The following FANCM variants were observed in gnomAD, a reference collection of about 807,000 sequenced individuals.
FANCM encodes Fanconi anemia group M protein.
FANCM carries 140 observed loss-of-function variants against 199.5 expected under a neutral mutation model. The ratio of observed to expected loss-of-function variants is 0.70; its 90% confidence interval spans 0.61 to 0.81. The LOEUF is 0.81. FANCM is among the 30% of genes least tolerant of loss of function. The pLI is 0.00. For synonymous variants in FANCM, 840 were observed against 836.8 expected, an observed-to-expected ratio of 1.00 and a Z score of -0.07; for missense variants, 2,410 against 2,421.4, an observed-to-expected ratio of 1.00 and a Z score of 0.10.
chr14:45,186,605 T>G (rs1280009432), intron 18 of FANCM, among the ~76,000 whole-genome samples: 1 of 152,218 alleles, frequency 6.6e-6, no homozygotes, highest in East Asian at 1.9e-4. Context: ...GTACTGTCCT[T>G]AATGCTGATA....
intron 8 of FANCM, among the ~76,000 whole-genome samples, chr14:45,158,390 C>G (rs1385409000): frequency 6.6e-6 from 1 of 152,144 alleles, no homozygotes; most frequent in African/African-American, 2.4e-5. Flanking sequence ...CCACAAAGAT[C>G]ATGTTCTTAT....
intron 8 of FANCM, among the ~76,000 whole-genome samples, chr14:45,156,177 G>A (rs1594774578): frequency 6.6e-6 from 1 of 152,200 alleles, no homozygotes; most frequent in African/African-American, 2.4e-5. Flanking sequence ...AGTTTTGGAG[G>A]CTGGGGGAGA....
chr14:45,195,926 A>G (rs964547638), intron 20 of FANCM, among the ~76,000 whole-genome samples: 2 of 151,662 alleles, frequency 1.3e-5, no homozygotes, highest in African/African-American at 4.8e-5. Flanking sequence ...TTTCCTGTTC[A>G]TTTTTAGACT....
intron 15 of FANCM, 42 bp downstream of exon 15, chr14:45,181,566 G>T (rs1251210989): frequency 6.6e-7 from 1 of 1,519,638 alleles, no homozygotes; most frequent in Non-Finnish European, 9.1e-7. Context: ...CATATCAAAG[G>T]CTATTTTCCT....
chr14:45,156,751 C>T (rs1887217143), intron 8 of FANCM, among the ~76,000 whole-genome samples: 1 of 151,834 alleles, frequency 6.6e-6, no homozygotes, highest in South Asian at 2.1e-4. Context: ...AACCCCGTCT[C>T]TACTAAAAAT....
chr14:45,155,757 C>T (rs903680572), intron 8 of FANCM, among the ~76,000 whole-genome samples: 3 of 152,220 alleles, frequency 2.0e-5, no homozygotes, highest in Non-Finnish European at 4.4e-5. Context: ...CGAGATTGTG[C>T]CATTGCACTC....
intron 12 of FANCM, 65 bp downstream of exon 12, chr14:45,170,811 A>G (rs933830200): frequency 5.4e-6 from 7 of 1,308,102 alleles, no homozygotes; most frequent in Admixed American, 3.4e-5. Flanking sequence ...AACCCCTCAG[A>G]TGTTCTTTAT....
rs757351765 is a variant in FANCM at position 45,159,082 on chromosome 14, A to G, written c.1397-14A>G. The G allele has an allele frequency of 2.0e-6, 2 of 991,720 alleles. No homozygotes were observed. Among genetic ancestry groups the G allele is most frequent in the Non-Finnish European group, 2.8e-6 (2 of 727,104 alleles). 61.4% of individuals were successfully genotyped at this position (991,720 alleles called of 1,614,324 possible). On this transcript the variant is annotated splice_polypyrimidine_tract_variant and intron_variant, in intron 8 of 22. Transcript: ENST00000267430. ...GTAAAAAGTTGTAATTAAAGTTTTT[A>G]TATATATATATAGCTGAAAACACTA... is the stretch of plus-strand genomic sequence containing the variant.
intron 3 of FANCM, among the ~76,000 whole-genome samples, chr14:45,143,287 C>T (rs541596249): frequency 6.6e-6 from 1 of 151,842 alleles, no homozygotes; most frequent in Admixed American, 6.6e-5. Context: ...CCACGTCAGC[C>T]TCCTGAGGAG....
chr14:45,197,924 C>T (rs759590821), intron 21 of FANCM, among the ~76,000 whole-genome samples: 1 of 151,896 alleles, frequency 6.6e-6, no homozygotes, highest in African/African-American at 2.4e-5. Context: ...CCACCATGCT[C>T]AGCTAATTTT....
intron 11 of FANCM, among the ~76,000 whole-genome samples, chr14:45,168,048 G>A (rs1226186482): frequency 6.6e-6 from 1 of 152,040 alleles, no homozygotes; most frequent in Non-Finnish European, 1.5e-5. Flanking sequence ...AAAAAGTACA[G>A]TTTTCATCTT....
chr14:45,184,015 A>G (rs1322692305), intron 17 of FANCM, 113 bp downstream of exon 17: 5 of 743,718 alleles, frequency 6.7e-6, no homozygotes, highest in Non-Finnish European at 1.1e-5. Context: ...AAAATTAAGT[A>G]TTTTGACACC....
chr14:45,194,244 G>A (rs1334107778), intron 20 of FANCM, among the ~76,000 whole-genome samples: 2 of 151,344 alleles, frequency 1.3e-5, no homozygotes, highest in African/African-American at 4.9e-5. Flanking sequence ...AGAGGTTGCA[G>A]TGAGCTGAGA....
At chr14:45,190,348 T>A (rs1889687187) in intron 20 of FANCM, among the ~76,000 whole-genome samples, 1 of 152,224 alleles carries the variant, frequency 6.6e-6, no homozygotes, top group African/African-American at 2.4e-5. Context: ...GACAATTGTA[T>A]ATATTTACCA....
chr14:45,160,003 T>G (rs1278768794), intron 9 of FANCM, among the ~76,000 whole-genome samples: 3 of 89,186 alleles, frequency 3.4e-5, no homozygotes, highest in Non-Finnish European at 6.3e-5. Context: ...TTTTTTTTTG[T>G]TTTTTTTTTT....
At chr14:45,148,691 G>T in intron 3 of FANCM, 146 bp from the exon 4 acceptor site, 1 of 620,982 alleles carries the variant, frequency 1.6e-6, no homozygotes, top group South Asian at 2.0e-5. Flanking sequence ...TTTTTTATAG[G>T]CTTATCTTCT....
At chr14:45,158,304 G>A (rs1386534103) in intron 8 of FANCM, among the ~76,000 whole-genome samples, 1 of 152,070 alleles carries the variant, frequency 6.6e-6, no homozygotes, top group African/African-American at 2.4e-5. Flanking sequence ...ATCCATATTA[G>A]ATATGAAGAA....
chr14:45,155,586 G>T (rs918012291), intron 8 of FANCM, 127 bp downstream of exon 8: 2 of 571,912 alleles, frequency 3.5e-6, no homozygotes, highest in East Asian at 7.1e-5. Context: ...ATCACGGGAG[G>T]TCAGGAGTTC....
In FANCM at chr14:45,175,624, C is replaced by T. The variant is rs1366517874; in HGVS notation, c.2870C>T (p.Ser957Phe). Residue 957 changes from serine to phenylalanine, a missense_variant, in exon 14 of 23, where the codon TCT becomes TTT. Transcript: ENST00000267430. ...TTCAATGATGAAAAATCTGTTTCAT[C>T]TAACTTATTTCTTCCATTCGAAGAA... Reference protein sequence around the residue: ...NSFNDEKSVSSNLFLPFEEEL... With the variant: ...NSFNDEKSVSFNLFLPFEEEL... 2 of 1,613,544 alleles carry T rather than the reference C, an allele frequency of 1.2e-6. No individual in the cohort carries two copies. Among genetic ancestry groups the T allele is most frequent in the South Asian group, 2.2e-5 (2 of 91,064 alleles).
Sources: gnomAD v4.1 joint callset for allele counts (sites outside exome capture counted in the v4.1 genomes callset) on GRCh38, gnomAD v4.1.1 for gene constraint, MANE v1.5 for transcripts, NCBI Gene and HGNC (gene_info 2026-07-23, HGNC 2026-07-21) for gene names.